The following CCL17 variants were observed in gnomAD, a reference collection of about 807,000 sequenced individuals.
CCL17 encodes C-C motif chemokine 17.
In CCL17, 8 loss-of-function variants were observed where a neutral mutation model predicts 7.4. That is an observed-to-expected ratio of 1.09 (90% CI 0.64 to 1.96). The LOEUF is 1.96. CCL17 is among the 30% of genes most tolerant of loss of function. The pLI is 0.00. For synonymous variants in CCL17, 40 were observed against 46.1 expected, an observed-to-expected ratio of 0.87 and a Z score of 0.54; for missense variants, 102 against 113.0, an observed-to-expected ratio of 0.90 and a Z score of 0.44.
chr16:57,409,360 T>C (rs560916143), intron 1 of CCL17, among the ~76,000 whole-genome samples: 1 of 152,304 alleles, frequency 6.6e-6, no homozygotes, highest in South Asian at 2.1e-4. Context: ...AGAAGGTCCA[T>C]GTGGCTGGGA....
At chr16:57,403,112 ATATTTATAATATATATAATATATATTAT>A (rs1567560714), upstream of CCL17, among the ~76,000 whole-genome samples, 6 of 111,930 alleles carry the variant, frequency 5.4e-5, no homozygotes, top group East Asian at 2.3e-4. Context: ...ATACATATAT[ATATTTATAATATATATAATATATATTAT>A]TATCTATAAT....
At position 57,415,189 on chromosome 16, in the gene CCL17, A is replaced by T; in HGVS notation, c.179A>T (p.Asp60Val). The change falls in exon 3 of 4, where the codon GAT becomes GTT. Residue 60 changes from aspartate (D) to valine (V), a missense_variant. Transcript: ENST00000219244. The surrounding 1 kb of genome is among the most constrained non-coding windows in gnomAD (Gnocchi z 4.5). Reference sequence around the variant, plus strand: ...CAGACATCTGAGGACTGCTCCAGGGATGCCATCGTGTAAGTCCCCCTGGCT... The same window carrying T: ...CAGACATCTGAGGACTGCTCCAGGGTTGCCATCGTGTAAGTCCCCCTGGCT... ...WYQTSEDCSR[D>V]AIVFVTVQGR... 6.2e-7 allele frequency: 1 copy of T among 1,605,564 alleles called. No homozygotes were observed. The highest frequency in any genetic ancestry group is 8.5e-7 in the Non-Finnish European group (1 of 1,172,252).
At chr16:57,398,918 A>T in the CCL17 span, among the ~76,000 whole-genome samples, 2 of 152,176 alleles carry the variant, frequency 1.3e-5, no homozygotes, top group African/African-American at 4.8e-5. Context: ...CTAAACCTTG[A>T]GGCAAGACCG....
upstream of CCL17, among the ~76,000 whole-genome samples, chr16:57,403,384 T>A (rs1412895234): frequency 2.3e-4 from 5 of 21,872 alleles, no homozygotes; most frequent in Non-Finnish European, 3.1e-4. Context: ...ATAACATATA[T>A]TATATATAAT....
At chr16:57,406,225 C>T (rs1209534505) in intron 1 of CCL17, among the ~76,000 whole-genome samples, 1 of 152,162 alleles carries the variant, frequency 6.6e-6, no homozygotes, top group Non-Finnish European at 1.5e-5. Flanking sequence ...TGGAATCTTG[C>T]TCTTTTGCCC....
the CCL17 span, among the ~76,000 whole-genome samples, chr16:57,399,646 C>T: frequency 6.6e-6 from 1 of 152,078 alleles, no homozygotes; most frequent in African/African-American, 2.4e-5. Context: ...GATGGGGTTT[C>T]ACCATGTTGG....
chr16:57,411,907 G>A (rs1173598075), intron 1 of CCL17, among the ~76,000 whole-genome samples: 1 of 152,214 alleles, frequency 6.6e-6, no homozygotes, highest in African/African-American at 2.4e-5. Flanking sequence ...CCAAAGAGGT[G>A]CCCAGGCAGG....
intron 1 of CCL17, among the ~76,000 whole-genome samples, chr16:57,410,908 C>T (rs913773665): frequency 1.3e-5 from 2 of 152,202 alleles, no homozygotes; most frequent in African/African-American, 4.8e-5. Flanking sequence ...ATGCCCACGG[C>T]GCGGGGCAAG....
upstream of CCL17, among the ~76,000 whole-genome samples, chr16:57,403,798 A>C (rs34289322): frequency 0.44 from 64,019 of 144,524 alleles, 16,396 homozygotes; most frequent in Non-Finnish European, 0.58. Flanking sequence ...CTGGGACTAC[A>C]GGCACCTGCC....
chr16:57,402,473 C>T (rs556397550), upstream of CCL17, among the ~76,000 whole-genome samples: 9 of 152,270 alleles, frequency 5.9e-5, no homozygotes, highest in East Asian at 1.7e-3. Flanking sequence ...TCCCCCCACC[C>T]CGACTGCAGG....
intron 1 of CCL17, among the ~76,000 whole-genome samples, chr16:57,413,673 C>T (rs569203842): frequency 6.6e-6 from 1 of 152,200 alleles, no homozygotes; most frequent in Non-Finnish European, 1.5e-5. Context: ...GGGCTCTAGA[C>T]ACATGTACCC....
intron 1 of CCL17, among the ~76,000 whole-genome samples, chr16:57,409,879 T>C (rs557093641): frequency 1.3e-4 from 20 of 152,318 alleles, no homozygotes; most frequent in South Asian, 6.2e-4. Flanking sequence ...CCCCGATCCC[T>C]GATTCCCAGC....
At chr16:57,413,288 C>A (rs1340453892) in intron 1 of CCL17, among the ~76,000 whole-genome samples, 1 of 152,184 alleles carries the variant, frequency 6.6e-6, no homozygotes, top group Non-Finnish European at 1.5e-5. Context: ...CTGGCTGGGC[C>A]TCAGCCTCTC....
chr16:57,407,029 G>A (rs1335989917), intron 1 of CCL17, among the ~76,000 whole-genome samples: 11 of 152,126 alleles, frequency 7.2e-5, no homozygotes, highest in East Asian at 3.8e-4. Flanking sequence ...AATCACAAGT[G>A]GGCAGAGAGG....
upstream of CCL17, among the ~76,000 whole-genome samples, chr16:57,404,570 A>G (rs1218185045): frequency 6.6e-6 from 1 of 152,100 alleles, no homozygotes; most frequent in Non-Finnish European, 1.5e-5. Flanking sequence ...CCTATTTGGT[A>G]TGGCGAGTAG....
chr16:57,414,667 G>A (rs1902839374), intron 2 of CCL17, among the ~76,000 whole-genome samples: 1 of 152,066 alleles, frequency 6.6e-6, no homozygotes, highest in South Asian at 2.1e-4. Context: ...AAAGTGCTGG[G>A]ATTACAGGCA....
chr16:57,402,033 C>A (rs1902600917), upstream of CCL17, among the ~76,000 whole-genome samples: 1 of 152,200 alleles, frequency 6.6e-6, no homozygotes, highest in South Asian at 2.1e-4. Flanking sequence ...GGAAGGGGGA[C>A]CCTATTGTTA....
chr16:57,401,191 A>G (rs752129148), upstream of CCL17, among the ~76,000 whole-genome samples: 3 of 152,274 alleles, frequency 2.0e-5, no homozygotes, highest in South Asian at 2.1e-4. Flanking sequence ...ATGTGGAAGT[A>G]TAGATACAAG....
intron 1 of CCL17, among the ~76,000 whole-genome samples, chr16:57,407,748 TCATCCATC>T (rs373568401): frequency 2.6e-5 from 4 of 151,632 alleles, no homozygotes; most frequent in Non-Finnish European, 1.5e-5. Flanking sequence ...CATCCATCCA[TCATCCATC>T]CATCCATCCA....
Sources: allele counts gnomAD v4.1 joint callset (sites outside exome capture counted in the v4.1 genomes callset), GRCh38; gene constraint gnomAD v4.1.1; non-coding constraint Gnocchi (gnomAD v3.1); transcripts MANE v1.5; gene names NCBI Gene and HGNC (gene_info 2026-07-23, HGNC 2026-07-21).